SLC30A3: variants seen among roughly 807,000 people sequenced by gnomAD.
The protein encoded by SLC30A3 is solute carrier family 30 member 3.
Under a neutral mutation model 35.6 loss-of-function variants are expected in SLC30A3, and 20 were observed. The ratio of observed to expected loss-of-function variants is 0.56; its 90% confidence interval spans 0.39 to 0.82. The LOEUF (loss-of-function observed/expected upper bound fraction) is 0.82, where lower values mean the gene tolerates loss of function less well. SLC30A3 is among the 40% of genes least tolerant of loss of function. The probability of loss-of-function intolerance (pLI) is 0.00; values close to 1 mark genes in which losing one functional copy is unlikely to be tolerated. For synonymous variants in SLC30A3, 217 were observed against 224.7 expected (o/e 0.97, Z 0.31); for missense variants, 401 against 530.6 (o/e 0.76, Z 2.40).
Position 27,256,872 on chromosome 2 carries a change from G to A in SLC30A3, c.799C>T (p.Pro267Ser), listed in dbSNP as rs1224950670. ...ATGGAGAAGAGGAAGGTGCTGATGGGGTCGGCTGCCTTGTATTGAGGCTGC... is the reference window on the plus strand; with the variant it reads ...ATGGAGAAGAGGAAGGTGCTGATGGAGTCGGCTGCCTTGTATTGAGGCTGC... ...YFKPQYKAAD[P>S]ISTFLFSICA... Residue 267 changes from proline (P) to serine (S), a missense_variant, in exon 6 of 8, where the codon CCC (proline) becomes TCC (serine). Around this residue, in one of 3 missense-constraint regions of SLC30A3, gnomAD observed 296 missense variants for 392.6 expected, o/e 0.75. Transcript: ENST00000233535. 1.2e-6 allele frequency: 2 copies of A among 1,606,986 alleles called. No individual in the cohort carries two copies. Among genetic ancestry groups the A allele is most frequent in the Admixed American group, 1.8e-5 (1 of 57,074 alleles).
intron 1 of SLC30A3, among the ~76,000 whole-genome samples, chr2:27,269,247 C>T (rs1251109508): frequency 3.8e-5 from 5 of 132,250 alleles, no homozygotes; most frequent in South Asian, 2.4e-4. Flanking sequence ...TGCTCTGTTG[C>T]GAGGCTGGAG....
intron 1 of SLC30A3, among the ~76,000 whole-genome samples, chr2:27,269,208 CTTTT>C (rs368309600): frequency 7.8e-6 from 1 of 127,904 alleles, no homozygotes; most frequent in African/African-American, 2.9e-5. Flanking sequence ...CTTTTTCTTT[CTTTT>C]TTTTTTTTTT....
At chr2:27,264,136 CTG>C (rs1440017894), upstream of SLC30A3, 1 of 1,113,648 alleles carries the variant, frequency 9.0e-7, no homozygotes, top group Non-Finnish European at 1.2e-6. This position sits in a 1 kb window ranked among gnomAD's most constrained non-coding sequence, Gnocchi z 6.1. Context: ...CTGTGACAGT[CTG>C]TGAAGAGGAG....
At chr2:27,263,110 A>AGCTCCCCAAGCTCCGCCTCCAG, upstream of SLC30A3, 39 of 1,344,274 alleles carry the variant, frequency 2.9e-5, 1 homozygote, top group South Asian at 7.0e-4. Flanking sequence ...GCGTGGGGCG[A>AGCTCCCCAAGCTCCGCCTCCAG]GCTCCCCAAG....
chr2:27,254,796 A>G lies in SLC30A3; in HGVS notation c.*516T>C, dbSNP rs1297672095. 3 of 286,326 alleles carry G rather than the reference A, an allele frequency of 1.0e-5. No homozygotes were observed. The highest frequency in any genetic ancestry group is 2.0e-5 in the Non-Finnish European group (3 of 148,874). 17.7% of individuals were successfully genotyped at this position (286,326 alleles called of 1,614,324 possible). A position where few individuals can be genotyped will look rare whatever the true frequency, so the allele number is the denominator to read the frequency against. On this transcript the variant is annotated 3_prime_UTR_variant, in exon 8 of 8. Coordinates refer to ENST00000233535, the MANE Select transcript of SLC30A3 (RefSeq NM_003459.5). ...CACACACACACACACACACACACAC[A>G]CACAGACAAAACCACAGGGCTAAGA...
At chr2:27,261,399 G>GTGAC in intron 1 of SLC30A3, among the ~76,000 whole-genome samples, 1 of 152,314 alleles carries the variant, frequency 6.6e-6, no homozygotes, top group Non-Finnish European at 1.5e-5. Context: ...GCAGGATTCG[G>GTGAC]TGACTAATGG....
At chr2:27,264,465 G>A (rs1677392326), upstream of SLC30A3, among the ~76,000 whole-genome samples, 1 of 152,224 alleles carries the variant, frequency 6.6e-6, no homozygotes, top group South Asian at 2.1e-4. The surrounding 1 kb of genome is among the most constrained non-coding windows in gnomAD (Gnocchi z 6.1). Flanking sequence ...AAAGCTGGGC[G>A]GCGGGCTGGC....
At chr2:27,263,797 AG>A (rs1262868659), upstream of SLC30A3, among the ~76,000 whole-genome samples, 1 of 143,106 alleles carries the variant, frequency 7.0e-6, no homozygotes, top group African/African-American at 2.6e-5. Flanking sequence ...TGGCAACTGG[AG>A]AGCGCTCACA....
In SLC30A3 at chr2:27,275,077, T is replaced by C. The variant is rs1047117531; in HGVS notation, c.-159+100A>G. On this transcript the variant is annotated intron_variant, in intron 1 of 5. Transcript: ENST00000424577. ...GGGTCTTCCAGGTTGTGGAGGTGTT[T>C]CCGGGTGGAAGAGAAGGAGGGACCA... 10 of 717,970 alleles carry C rather than the reference T, an allele frequency of 1.4e-5. No individual in the cohort carries two copies. The Admixed American group carries it at 2.2e-4, about 16-fold the overall frequency. The allele number at this position is 717,970 out of a possible 1,614,324, so 44.5% of individuals were successfully genotyped here. A position where few individuals can be genotyped will look rare whatever the true frequency, so the allele number is the denominator to read the frequency against.
rs773433482 is a variant in SLC30A3 at position 27,262,830 on chromosome 2, C to T, written c.77G>A (p.Gly26Asp). 5 of 1,566,908 alleles carry T rather than the reference C, an allele frequency of 3.2e-6. No individual in the cohort carries two copies. The African/African-American group carries it at 5.7e-5, about 18-fold the overall frequency. The change falls in exon 1 of 8, where the codon GGC becomes GAC. Residue 26 changes from glycine to aspartate, a missense_variant. By Grantham distance (94) the Gly-to-Asp change is moderately conservative (BLOSUM62 -1). Transcript: ENST00000233535. The surrounding 1 kb of genome is among the most constrained non-coding windows in gnomAD (Gnocchi z 7.5). ...GTCCTACCTCTTCAAACGCAGGCTG[C>T]CTCCGGCGCCACCGCGGTCCCGGGG... ...VSPRDRGGAG[G>D]SLRLKSLFTE...
rs139550065 is a variant in SLC30A3, at chr2:27,257,906, A to G, written c.577T>C (p.Leu193=). 56 of 1,613,404 alleles carry G rather than the reference A, an allele frequency of 3.5e-5. No homozygotes were observed. The highest frequency in any genetic ancestry group is 4.6e-5 in the Non-Finnish European group (54 of 1,179,774). The stretch of plus-strand genomic sequence containing the variant: ...TGCCTGCTCCATACTGGGACGTACA[A>G]CAGGTTGGCACAGACTGCGATGCTG... ...TASIAVCANL[L]MAFVLHQAGP... Residue 193 remains leucine (L), a splice_region_variant and synonymous_variant, in exon 4 of 8, where the codon TTA becomes CTA. Transcript: ENST00000233535. This position sits in a 1 kb window ranked among gnomAD's most constrained non-coding sequence, Gnocchi z 4.7.
chr2:27,272,643 G>A (rs1298492316), intron 1 of SLC30A3, among the ~76,000 whole-genome samples: 1 of 151,608 alleles, frequency 6.6e-6, no homozygotes, highest in Non-Finnish European at 1.5e-5. Context: ...GGCCAGACTG[G>A]TCTTGAACTC....
chr2:27,275,041 G>A, intron 1 of SLC30A3: 1 of 427,992 alleles, frequency 2.3e-6, no homozygotes, highest in South Asian at 1.8e-5. Context: ...AGGAACAGGG[G>A]CATATGAGTT....
At chr2:27,266,027 ACT>A (rs1338867008), upstream of SLC30A3, among the ~76,000 whole-genome samples, 1 of 147,040 alleles carries the variant, frequency 6.8e-6, no homozygotes, top group African/African-American at 2.5e-5. Flanking sequence ...CATGTCATAC[ACT>A]CTCATCGCAC....
At chr2:27,273,843 C>T (rs1206707604) in intron 1 of SLC30A3, among the ~76,000 whole-genome samples, 1 of 151,840 alleles carries the variant, frequency 6.6e-6, no homozygotes, top group Non-Finnish European at 1.5e-5. Context: ...AAGAAATGAG[C>T]TGGTTTGTTC....
intron 1 of SLC30A3, among the ~76,000 whole-genome samples, chr2:27,273,506 A>G (rs978165946): frequency 2.6e-5 from 4 of 151,024 alleles, no homozygotes; most frequent in South Asian, 2.1e-4. Flanking sequence ...CTGTCCTCCC[A>G]TGATAGTCAT....
chr2:27,264,470 G>A (rs1677392608), upstream of SLC30A3, among the ~76,000 whole-genome samples: 1 of 152,252 alleles, frequency 6.6e-6, no homozygotes, highest in African/African-American at 2.4e-5. This position sits in a 1 kb window ranked among gnomAD's most constrained non-coding sequence, Gnocchi z 6.1. Context: ...TGGGCGGCGG[G>A]CTGGCTGTTC....
intron 1 of SLC30A3, among the ~76,000 whole-genome samples, chr2:27,269,660 A>G (rs1572491358): frequency 6.6e-6 from 1 of 152,134 alleles, no homozygotes; most frequent in South Asian, 2.1e-4. Flanking sequence ...AAGAAAGAGC[A>G]CAAGCAGAAG....
chr2:27,275,376 C>A, upstream of SLC30A3: 1 of 458,398 alleles, frequency 2.2e-6, no homozygotes, highest in Non-Finnish European at 3.9e-6. Context: ...CGAAATAAGT[C>A]CCAGGGCCAA....
Sources: allele counts gnomAD v4.1 joint callset (sites outside exome capture counted in the v4.1 genomes callset), GRCh38; gene constraint gnomAD v4.1.1; regional missense constraint gnomAD v4.1.1; non-coding constraint Gnocchi (gnomAD v3.1); transcripts MANE v1.5; gene names NCBI Gene and HGNC (gene_info 2026-07-23, HGNC 2026-07-21).